Variants in HEXB observed in about 807,000 individuals in gnomAD.
The protein encoded by HEXB is beta-hexosaminidase subunit beta.
A neutral mutation model predicts 71.2 loss-of-function variants in HEXB; 51 were observed. The observed-to-expected ratio is 0.72, with a 90% CI of 0.57 to 0.90. The LOEUF (loss-of-function observed/expected upper bound fraction) is 0.90, where lower values mean the gene tolerates loss of function less well. Ranked by LOEUF, HEXB falls within the 40% of genes least tolerant of loss-of-function variation. The pLI, the probability that HEXB is intolerant of heterozygous loss-of-function variation, is 0.00. For synonymous variants in HEXB, 266 were observed against 249.3 expected, an observed-to-expected ratio of 1.07 and a Z score of -0.63; for missense variants, 617 against 677.0, an observed-to-expected ratio of 0.91 and a Z score of 0.98.
intron 1 of HEXB, among the ~76,000 whole-genome samples, chr5:74,649,629 T>A (rs1392241837): frequency 6.6e-6 from 1 of 152,224 alleles, no homozygotes; most frequent in Non-Finnish European, 1.5e-5. Context: ...TTCTAAGAAA[T>A]GATTTTCTTG....
intron 1 of HEXB, among the ~76,000 whole-genome samples, chr5:74,686,789 A>G (rs1200329844): frequency 3.3e-5 from 5 of 152,226 alleles, no homozygotes; most frequent in Non-Finnish European, 7.3e-5. Flanking sequence ...GGATATTCAG[A>G]AAGATTGCAT....
intron 1 of HEXB, among the ~76,000 whole-genome samples, chr5:74,664,256 C>CA (rs61357222): frequency 0.65 from 93,212 of 143,950 alleles, 31,023 homozygotes; most frequent in African/African-American, 0.84. Flanking sequence ...AACTCCATCT[C>CA]AAAAAAAAAA....
At chr5:74,696,917 G>C in intron 4 of HEXB, 79 bp from the exon 5 acceptor site, 1 of 819,210 alleles carries the variant, frequency 1.2e-6, no homozygotes, top group East Asian at 2.5e-5. Flanking sequence ...TGAAATGCTT[G>C]TATAAATAGA....
At chr5:74,661,513 C>CTGTGTGTG (rs1179218651) in intron 1 of HEXB, among the ~76,000 whole-genome samples, 63 of 85,008 alleles carry the variant, frequency 7.4e-4, no homozygotes, top group African/African-American at 1.8e-3. Context: ...TTCTCTCTCT[C>CTGTGTGTG]TGTGTGTGTG....
intron 11 of HEXB, chr5:74,719,954 A>AC (rs1554037038): frequency 7.2e-4 from 114 of 158,480 alleles, no homozygotes; most frequent in Middle Eastern, 3.5e-3. Context: ...AAAAAAAAAA[A>AC]ACACACACAT....
At chr5:74,693,587 G>C in intron 2 of HEXB, 52 bp from the exon 3 acceptor site, 1 of 1,224,398 alleles carries the variant, frequency 8.2e-7, no homozygotes. Context: ...CTTATTGTGT[G>C]TCATTGAGGG....
intron 2 of HEXB, chr5:74,689,962 A>ACCAC: frequency 5.8e-6 from 1 of 171,742 alleles, no homozygotes; most frequent in Non-Finnish European, 1.2e-5. Flanking sequence ...CACTATATGG[A>ACCAC]TGAGCTGACT....
At chr5:74,649,962 C>T (rs1748072790) in intron 1 of HEXB, among the ~76,000 whole-genome samples, 1 of 152,178 alleles carries the variant, frequency 6.6e-6, no homozygotes, top group South Asian at 2.1e-4. Flanking sequence ...ATCTTTTTCC[C>T]ACTTTGAAAT....
chr5:74,718,166 T>C lies in HEXB; in HGVS notation c.1170-125T>C, dbSNP rs561857957. 1.2e-3 allele frequency: 870 copies of C among 721,816 alleles called. 1 individual carries two copies. Among genetic ancestry groups the C allele is most frequent in the Non-Finnish European group, 1.9e-3 (790 of 405,902 alleles). 44.7% of individuals were successfully genotyped at this position (721,816 alleles called of 1,614,324 possible). Reference sequence around the variant, plus strand: ...TTCCCAACTTGAGCTGCTTCTGCTATAAAGCTGAACTATACTAAAAGGCAC... The same window carrying C: ...TTCCCAACTTGAGCTGCTTCTGCTACAAAGCTGAACTATACTAAAAGGCAC... On this transcript the variant is annotated intron_variant, in intron 9 of 13. Transcript: ENST00000261416.
chr5:74,676,433 A>T (rs537696465), intron 1 of HEXB, among the ~76,000 whole-genome samples: 51 of 152,280 alleles, frequency 3.3e-4, no homozygotes, highest in African/African-American at 1.2e-3. Context: ...AAGTGCTGGG[A>T]CTTTAGGCAT....
At chr5:74,645,578 C>T (rs985252724) in intron 1 of HEXB, among the ~76,000 whole-genome samples, 1 of 152,168 alleles carries the variant, frequency 6.6e-6, no homozygotes, top group African/African-American at 2.4e-5. Context: ...GACTCCTTCA[C>T]CTTATACAGC....
intron 9 of HEXB, 62 bp from the exon 10 acceptor site, chr5:74,718,229 A>G: frequency 1.8e-6 from 2 of 1,093,926 alleles, no homozygotes; most frequent in Non-Finnish European, 2.8e-6. Flanking sequence ...GAAAATGTAC[A>G]TGTTTTAAAT....
At chr5:74,643,117 C>G (rs1409856907) in intron 1 of HEXB, among the ~76,000 whole-genome samples, 1 of 152,206 alleles carries the variant, frequency 6.6e-6, no homozygotes, top group Non-Finnish European at 1.5e-5. Context: ...ATCATGGGTG[C>G]TACTGATGAC....
At chr5:74,656,408 G>A (rs930402931) in intron 1 of HEXB, among the ~76,000 whole-genome samples, 1 of 151,908 alleles carries the variant, frequency 6.6e-6, no homozygotes, top group African/African-American at 2.4e-5. Flanking sequence ...GAACCCGGGA[G>A]GCACAGGTTG....
At chr5:74,677,395 A>G (rs11750747) in intron 1 of HEXB, among the ~76,000 whole-genome samples, 22,832 of 152,116 alleles carry the variant, frequency 0.15, 1,925 homozygotes, top group East Asian at 0.27. Context: ...GTAAAGGAGA[A>G]ATATGATAAA....
chr5:74,664,961 G>A (rs765033304), intron 1 of HEXB, among the ~76,000 whole-genome samples: 1 of 152,160 alleles, frequency 6.6e-6, no homozygotes, highest in Non-Finnish European at 1.5e-5. Context: ...GCGCATTTGG[G>A]ACAGTGCATA....
At chr5:74,688,342 T>TG (rs915169500) in intron 1 of HEXB, among the ~76,000 whole-genome samples, 1 of 151,670 alleles carries the variant, frequency 6.6e-6, no homozygotes, top group African/African-American at 2.4e-5. Flanking sequence ...GGTACTTTTT[T>TG]TTTTTTTGAG....
intron 3 of HEXB, among the ~76,000 whole-genome samples, chr5:74,694,602 C>T (rs901943078): frequency 5.9e-5 from 9 of 152,204 alleles, no homozygotes; most frequent in Non-Finnish European, 1.2e-4. Context: ...ACTGTACTGA[C>T]TTCCGAATAG....
chr5:74,704,477 T>C (rs760744597), intron 5 of HEXB, among the ~76,000 whole-genome samples: 7 of 152,162 alleles, frequency 4.6e-5, no homozygotes, highest in Non-Finnish European at 1.0e-4. Context: ...AAAATTTCTC[T>C]GGGGGAATTG....
Sources: allele counts gnomAD v4.1 joint callset (sites outside exome capture counted in the v4.1 genomes callset), GRCh38; gene constraint gnomAD v4.1.1; transcripts MANE v1.5; gene names NCBI Gene and HGNC (gene_info 2026-07-23, HGNC 2026-07-21).